YBEY: variants seen among roughly 807,000 people sequenced by gnomAD.
YBEY encodes ybeY metalloendoribonuclease.
Under a neutral mutation model 13.5 loss-of-function variants are expected in YBEY, and 15 were observed. That is an observed-to-expected ratio of 1.11 (90% confidence interval 0.75 to 1.72). YBEY has a LOEUF of 1.72. Among genes scored for constraint, YBEY ranks in the 40% most tolerant of loss-of-function variants. The probability of loss-of-function intolerance (pLI) is 0.00; values close to 1 mark genes in which losing one functional copy is unlikely to be tolerated. For missense variants in YBEY, 244 were observed against 208.4 expected (o/e 1.17, Z -1.05); for synonymous variants, 101 against 83.1 (o/e 1.21, Z -1.17).
chr21:46,305,843 G>A, the YBEY span, among the ~76,000 whole-genome samples: 1 of 152,132 alleles, frequency 6.6e-6, no homozygotes, highest in Non-Finnish European at 1.5e-5. Context: ...TCGGAAGGCT[G>A]AGGCAGGAGA....
downstream of YBEY, among the ~76,000 whole-genome samples, chr21:46,298,434 C>CTTTTTTTT (rs557264546): frequency 3.0e-3 from 289 of 97,174 alleles, 53 homozygotes; most frequent in African/African-American, 8.2e-3. Context: ...TTAATCCAAG[C>CTTTTTTTT]TTTTTTTTTT....
intron 3 of YBEY, among the ~76,000 whole-genome samples, chr21:46,293,319 TC>T (rs1228506253): frequency 5.7e-5 from 4 of 70,758 alleles, no homozygotes; most frequent in Admixed American, 1.4e-4. Flanking sequence ...TAGATTAAAT[TC>T]CTCCCGCGGT....
chr21:46,311,819 C>T, the YBEY span, among the ~76,000 whole-genome samples: 3 of 150,526 alleles, frequency 2.0e-5, no homozygotes, highest in Non-Finnish European at 3.0e-5. Context: ...ATCCACCCAC[C>T]CATCCACCCA....
At chr21:46,291,278 A>G in intron 2 of YBEY, 56 bp from the exon 3 acceptor site, 1 of 1,607,216 alleles carries the variant, frequency 6.2e-7, no homozygotes, top group East Asian at 2.2e-5. Context: ...AAACCTGTCA[A>G]CCTGTGGTTG....
downstream of YBEY, chr21:46,302,704 G>C (rs1211919851): frequency 1.3e-6 from 1 of 743,066 alleles, no homozygotes; most frequent in Non-Finnish European, 2.3e-6. Context: ...GGCAGGCTCT[G>C]AGTCCGTCTG....
intron 4 of YBEY, 134 bp downstream of exon 4, chr21:46,296,364 G>A (rs1257775493): frequency 2.1e-6 from 2 of 938,728 alleles, no homozygotes; most frequent in Non-Finnish European, 3.2e-6. Context: ...TTGTAAAAAT[G>A]ACACAGATGT....
intron 2 of YBEY, among the ~76,000 whole-genome samples, chr21:46,289,375 A>G (rs923693001): frequency 6.6e-6 from 1 of 152,168 alleles, no homozygotes; most frequent in Non-Finnish European, 1.5e-5. Context: ...CAGTGAAAAT[A>G]CATGCCACAT....
the YBEY span, among the ~76,000 whole-genome samples, chr21:46,308,354 G>A: frequency 2.6e-5 from 4 of 151,856 alleles, no homozygotes; most frequent in East Asian, 2.0e-4. Context: ...CCAGCTGCTC[G>A]GGAGGCTGAG....
the YBEY span, among the ~76,000 whole-genome samples, chr21:46,310,345 G>C: frequency 1.3e-5 from 2 of 151,992 alleles, no homozygotes; most frequent in African/African-American, 2.4e-5. Context: ...TGGGCATGGT[G>C]GTGGGCACCA....
In YBEY at chr21:46,286,432, T is replaced by G; in HGVS notation, c.-45+17T>G. The G allele has an allele frequency of 6.4e-6, 1 of 157,186 alleles. No individual in the cohort carries two copies. The highest frequency in any genetic ancestry group is 1.4e-5 in the Non-Finnish European group (1 of 71,248). The allele number at this position is 157,186 out of a possible 1,614,324, so 9.7% of individuals were successfully genotyped here. A position where few individuals can be genotyped will look rare whatever the true frequency, so the allele number is the denominator to read the frequency against. On this transcript the variant is annotated intron_variant, in intron 1 of 4. Coordinates refer to ENST00000397701, the MANE Select transcript of YBEY (RefSeq NM_001314025.2). ...CAGACACCGGTACGTCCGGGCGGGTTTTTAGTCTCCCAAGCGAGAGCGTCG... is the reference window on the plus strand; with the variant it reads ...CAGACACCGGTACGTCCGGGCGGGTGTTTAGTCTCCCAAGCGAGAGCGTCG...
At chr21:46,299,047 C>CT (rs58361649), downstream of YBEY, among the ~76,000 whole-genome samples, 289 of 108,844 alleles carry the variant, frequency 2.7e-3, 5 homozygotes, top group Non-Finnish European at 3.9e-3. Context: ...TTCTTTCTTT[C>CT]TTTTTTTTTT....
the YBEY span, among the ~76,000 whole-genome samples, chr21:46,305,751 A>T: frequency 6.6e-6 from 1 of 151,184 alleles, no homozygotes; most frequent in Non-Finnish European, 1.5e-5. Context: ...CATCCTGGCT[A>T]ACACGGTGAA....
chr21:46,294,814 T>C (rs536490269), intron 3 of YBEY, among the ~76,000 whole-genome samples: 1 of 152,028 alleles, frequency 6.6e-6, no homozygotes, highest in Admixed American at 6.6e-5. Flanking sequence ...GAGTGAATCA[T>C]ACTTAACTTG....
chr21:46,305,995 G>A, the YBEY span, among the ~76,000 whole-genome samples: 5 of 152,006 alleles, frequency 3.3e-5, no homozygotes, highest in Non-Finnish European at 7.4e-5. Context: ...AGCTACTTGG[G>A]AGGCTGAGGT....
intron 3 of YBEY, among the ~76,000 whole-genome samples, chr21:46,295,124 C>T (rs1454132773): frequency 6.6e-6 from 1 of 152,150 alleles, no homozygotes; most frequent in Non-Finnish European, 1.5e-5. Flanking sequence ...CTTCCATTTT[C>T]CCCAAACCTA....
At chr21:46,311,601 T>C in the YBEY span, 4 of 1,366,166 alleles carry the variant, frequency 2.9e-6, no homozygotes, top group Non-Finnish European at 4.1e-6. Context: ...TATCTGCATA[T>C]GTCCTTGAAG....
the YBEY span, among the ~76,000 whole-genome samples, chr21:46,309,734 C>T: frequency 2.0e-5 from 3 of 152,162 alleles, no homozygotes; most frequent in Non-Finnish European, 2.9e-5. Context: ...TGGTGGCCCA[C>T]GCCTATAATC....
At chr21:46,311,487 G>GA in the YBEY span, 1 of 1,609,758 alleles carries the variant, frequency 6.2e-7, no homozygotes, top group Admixed American at 1.7e-5. Context: ...GTTGAGTAGG[G>GA]AAGGCCTGGG....
chr21:46,288,003 ACT>A (rs1461764954), intron 2 of YBEY, among the ~76,000 whole-genome samples: 2 of 144,746 alleles, frequency 1.4e-5, no homozygotes, highest in East Asian at 2.0e-4. Context: ...GAAGAGCGAA[ACT>A]CTGTCTCAGG....
Sources: allele counts gnomAD v4.1 joint callset (sites outside exome capture counted in the v4.1 genomes callset), GRCh38; gene constraint gnomAD v4.1.1; transcripts MANE v1.5; gene names NCBI Gene and HGNC (gene_info 2026-07-23, HGNC 2026-07-21).